Variants in CNTN5 observed in about 807,000 individuals in gnomAD.
CNTN5 encodes contactin 5, also known as contactin-5.
In CNTN5, 77 loss-of-function variants were observed where a neutral mutation model predicts 129.1. That is an observed-to-expected ratio of 0.60 (90% confidence interval 0.50 to 0.72). The LOEUF (loss-of-function observed/expected upper bound fraction) is 0.72. Among genes scored for constraint, CNTN5 ranks in the 30% least tolerant of loss-of-function variants. The probability of loss-of-function intolerance (pLI) is 0.00; values close to 1 mark genes in which losing one functional copy is unlikely to be tolerated. For missense variants in CNTN5, 1,478 were observed against 1,328.8 expected, an observed-to-expected ratio of 1.11 and a Z score of -1.75; for synonymous variants, 509 against 465.6, an observed-to-expected ratio of 1.09 and a Z score of -1.20.
chr11:99,202,055 G>T (rs1859238049), intron 1 of CNTN5, among the ~76,000 whole-genome samples: 1 of 152,110 alleles, frequency 6.6e-6, no homozygotes, highest in Non-Finnish European at 1.5e-5. Context: ...GTTTCATATT[G>T]CATTCTAAAT....
intron 13 of CNTN5, among the ~76,000 whole-genome samples, chr11:100,150,487 T>G (rs1947017436): frequency 6.6e-6 from 1 of 151,906 alleles, no homozygotes; most frequent in Non-Finnish European, 1.5e-5. Context: ...ACAGAATGAT[T>G]TTATAGGTCC....
intron 4 of CNTN5, among the ~76,000 whole-genome samples, chr11:99,843,789 G>T (rs888924472): frequency 2.6e-5 from 4 of 151,956 alleles, no homozygotes; most frequent in Admixed American, 6.6e-5. Flanking sequence ...AAACATCAAT[G>T]GTACAGAGAC....
At chr11:99,972,290 A>T (rs1040538970) in intron 8 of CNTN5, among the ~76,000 whole-genome samples, 13 of 151,518 alleles carry the variant, frequency 8.6e-5, no homozygotes, top group South Asian at 8.4e-4. Context: ...AAATAAAAAT[A>T]AAAAAATGTA....
At chr11:99,704,326 G>T (rs1350046618) in intron 3 of CNTN5, among the ~76,000 whole-genome samples, 1 of 150,852 alleles carries the variant, frequency 6.6e-6, no homozygotes, top group Non-Finnish European at 1.5e-5. Flanking sequence ...GATATGAATT[G>T]GAGGTAAAAA....
At chr11:100,335,204 G>A (rs1031632747) in intron 21 of CNTN5, among the ~76,000 whole-genome samples, 5 of 151,974 alleles carry the variant, frequency 3.3e-5, no homozygotes, top group Non-Finnish European at 7.4e-5. Flanking sequence ...GACAAGCAAA[G>A]ACAAAATATT....
At chr11:99,066,143 G>A (rs113105353) in intron 1 of CNTN5, among the ~76,000 whole-genome samples, 4,073 of 151,974 alleles carry the variant, frequency 0.027, 149 homozygotes, top group African/African-American at 0.078. Flanking sequence ...TTCCTCTGTC[G>A]CCCAGGCTGG....
At chr11:100,255,718 A>G (rs1255312766) in intron 16 of CNTN5, 42 bp from the exon 17 acceptor site, 4 of 1,554,674 alleles carry the variant, frequency 2.6e-6, no homozygotes, top group Admixed American at 1.7e-5. Flanking sequence ...GGCTCCTGAT[A>G]ATAATTTGTG....
chr11:99,997,785 C>A (rs1939555558), intron 8 of CNTN5, among the ~76,000 whole-genome samples: 1 of 152,086 alleles, frequency 6.6e-6, no homozygotes, highest in Non-Finnish European at 1.5e-5. Flanking sequence ...AATCCAGCAG[C>A]ACATCAAAAA....
chr11:99,222,821 T>A (rs1483176816), intron 1 of CNTN5, among the ~76,000 whole-genome samples: 1 of 152,212 alleles, frequency 6.6e-6, no homozygotes, highest in African/African-American at 2.4e-5. Flanking sequence ...CTTCCTTGTC[T>A]AGTCGCCATT....
chr11:100,058,400 C>T (rs752875999), intron 9 of CNTN5, among the ~76,000 whole-genome samples: 1 of 142,076 alleles, frequency 7.0e-6, no homozygotes, highest in Non-Finnish European at 1.6e-5. Context: ...GCTACTGCAT[C>T]TGTCAAAGTT....
intron 1 of CNTN5, among the ~76,000 whole-genome samples, chr11:99,282,407 A>G (rs1437705650): frequency 6.6e-6 from 1 of 152,006 alleles, no homozygotes; most frequent in Non-Finnish European, 1.5e-5. Context: ...AAAGGGAATA[A>G]CATTTTTCCA....
intron 2 of CNTN5, among the ~76,000 whole-genome samples, chr11:99,421,838 A>G (rs1338711303): frequency 1.3e-5 from 2 of 152,102 alleles, no homozygotes; most frequent in African/African-American, 4.8e-5. Flanking sequence ...CTTTGGAAAT[A>G]TGGCTTTTAC....
chr11:99,113,601 C>T (rs531639376), intron 1 of CNTN5, among the ~76,000 whole-genome samples: 1 of 152,050 alleles, frequency 6.6e-6, no homozygotes, highest in South Asian at 2.1e-4. Flanking sequence ...CCATTAACTC[C>T]GGATACCTTG....
At chr11:100,260,022 G>A (rs1950164308) in intron 17 of CNTN5, among the ~76,000 whole-genome samples, 1 of 152,002 alleles carries the variant, frequency 6.6e-6, no homozygotes. Context: ...GTTTTGAAAA[G>A]ATTAACAAAA....
intron 2 of CNTN5, among the ~76,000 whole-genome samples, chr11:99,476,685 T>G (rs1224747613): frequency 6.6e-6 from 1 of 152,122 alleles, no homozygotes; most frequent in Non-Finnish European, 1.5e-5. Context: ...CAGTTTATTT[T>G]GTTTGTTCAC....
In CNTN5 at chr11:99,437,193, C is replaced by T. The variant is rs570983326; in HGVS notation, c.-71+111709C>T. 2.3e-4 allele frequency among the ~76,000 whole-genome samples: 35 copies of T among 152,222 alleles called. No individual in the cohort carries two copies. The South Asian group carries it at 5.2e-3, about 23-fold the overall frequency. ...AGTACTTTACGTGGCAAAGAGCGGT[C>T]GCTTACACCATGCCAGATGTATTGA... On this transcript the variant is annotated intron_variant, in intron 2 of 24. Transcript: ENST00000524871.
At chr11:100,161,892 AAAAAAC>A (rs1412575586) in intron 13 of CNTN5, among the ~76,000 whole-genome samples, 14 of 147,638 alleles carry the variant, frequency 9.5e-5, no homozygotes, top group African/African-American at 3.4e-4. Context: ...AACAAAAAAC[AAAAAAC>A]ACACCTAAGC....
At chr11:99,695,850 G>T (rs1419097870) in intron 3 of CNTN5, among the ~76,000 whole-genome samples, 1 of 151,884 alleles carries the variant, frequency 6.6e-6, no homozygotes, top group Admixed American at 6.6e-5. Context: ...CTTGTGCTTT[G>T]GAAACCTCTT....
At chr11:99,788,978 T>A (rs1003000762) in intron 3 of CNTN5, among the ~76,000 whole-genome samples, 1 of 151,904 alleles carries the variant, frequency 6.6e-6, no homozygotes, top group African/African-American at 2.4e-5. Flanking sequence ...CTTAATATTT[T>A]ATTTCTAAAC....
Sources: gnomAD v4.1 joint callset for allele counts (sites outside exome capture counted in the v4.1 genomes callset) on GRCh38, gnomAD v4.1.1 for gene constraint, MANE v1.5 for transcripts, NCBI Gene and HGNC (gene_info 2026-07-23, HGNC 2026-07-21) for gene names.